STK32B: variants seen among roughly 807,000 people sequenced by gnomAD.
STK32B encodes the protein serine/threonine-protein kinase 32B.
STK32B carries 43 observed loss-of-function variants against 52.6 expected under a neutral mutation model. That is an observed-to-expected ratio of 0.82 (90% CI 0.64 to 1.05). The LOEUF is 1.05. STK32B is among the 50% of genes least tolerant of loss of function. The pLI is 0.00. For synonymous variants in STK32B, 238 were observed against 204.3 expected (o/e 1.17, Z -1.41); for missense variants, 621 against 534.6 (o/e 1.16, Z -1.59).
intron 1 of STK32B, among the ~76,000 whole-genome samples, chr4:5,057,586 A>G (rs1742055277): frequency 1.3e-5 from 2 of 152,210 alleles, no homozygotes; most frequent in Admixed American, 1.3e-4. Context: ...TTGGCTTTCC[A>G]ACAGTATGAG....
intron 3 of STK32B, among the ~76,000 whole-genome samples, chr4:5,326,049 A>G (rs1731853638): frequency 6.6e-6 from 1 of 152,278 alleles, no homozygotes; most frequent in African/African-American, 2.4e-5. Context: ...TTCTCTTAGC[A>G]TTTTGATTTT....
intron 4 of STK32B, among the ~76,000 whole-genome samples, chr4:5,363,548 A>G (rs908385887): frequency 3.3e-5 from 5 of 152,136 alleles, no homozygotes; most frequent in African/African-American, 9.7e-5. Flanking sequence ...TAAGCCTGAC[A>G]TTGCTTTTTT....
intron 3 of STK32B, among the ~76,000 whole-genome samples, chr4:5,221,841 C>G (rs894066407): frequency 9.9e-5 from 10 of 100,872 alleles, no homozygotes; most frequent in African/African-American, 4.3e-4. Flanking sequence ...GGAGACAGAG[C>G]AAGACTCTGT....
chr4:5,113,791 A>G (rs1001840003), intron 1 of STK32B, among the ~76,000 whole-genome samples: 1 of 152,218 alleles, frequency 6.6e-6, no homozygotes, highest in Admixed American at 6.5e-5. Flanking sequence ...TTTAAAAAAG[A>G]AAGAGGTTTA....
intron 3 of STK32B, among the ~76,000 whole-genome samples, chr4:5,304,151 G>A (rs1162911743): frequency 1.3e-5 from 2 of 152,014 alleles, no homozygotes; most frequent in Non-Finnish European, 2.9e-5. Flanking sequence ...GTCTTGCTAT[G>A]GCTATGCAGG....
chr4:5,283,378 G>C (rs188338740), intron 3 of STK32B, among the ~76,000 whole-genome samples: 46 of 152,190 alleles, frequency 3.0e-4, no homozygotes, highest in Admixed American at 2.8e-3. Flanking sequence ...CCATCAAGAT[G>C]TTCCTGAAAG....
intron 11 of STK32B, among the ~76,000 whole-genome samples, chr4:5,497,635 C>G (rs1720400327): frequency 2.0e-5 from 3 of 152,312 alleles, no homozygotes; most frequent in Admixed American, 2.0e-4. Flanking sequence ...AGTGTTGCTG[C>G]TGGTATTTCA....
chr4:5,020,046 T>C, the STK32B span, among the ~76,000 whole-genome samples: 4 of 152,208 alleles, frequency 2.6e-5, no homozygotes, highest in African/African-American at 9.6e-5. Context: ...GCCGTGTGTG[T>C]CTCTCGGTCC....
intron 2 of STK32B, among the ~76,000 whole-genome samples, chr4:5,143,292 G>C (rs1716647565): frequency 6.6e-6 from 1 of 152,176 alleles, no homozygotes; most frequent in South Asian, 2.1e-4. Context: ...GAGTTCACAT[G>C]TACAGCAAAC....
chr4:5,110,972 G>GAA (rs112996629), intron 1 of STK32B, among the ~76,000 whole-genome samples: 4 of 145,036 alleles, frequency 2.8e-5, no homozygotes, highest in African/African-American at 1.0e-4. Flanking sequence ...ATACATTTTT[G>GAA]AAAAAAAAAA....
At chr4:5,320,196 G>A (rs1345042937) in intron 3 of STK32B, among the ~76,000 whole-genome samples, 1 of 151,982 alleles carries the variant, frequency 6.6e-6, no homozygotes, top group East Asian at 1.9e-4. Flanking sequence ...AGAGTACAAT[G>A]AGCACCTTGA....
At chr4:5,254,965 A>AATATATATATATATATAATATATATAT (rs146017036) in intron 3 of STK32B, among the ~76,000 whole-genome samples, 2 of 144,374 alleles carry the variant, frequency 1.4e-5, no homozygotes, top group African/African-American at 5.4e-5. Context: ...ATCATTCACT[A>AATATATATATATATATAATATATATAT]ATATATATAT....
intron 3 of STK32B, among the ~76,000 whole-genome samples, chr4:5,230,660 T>A (rs1243802646): frequency 6.6e-6 from 1 of 152,226 alleles, no homozygotes; most frequent in Non-Finnish European, 1.5e-5. Flanking sequence ...AGCCACATTT[T>A]GAGTGCTGAT....
intron 11 of STK32B, among the ~76,000 whole-genome samples, chr4:5,494,404 C>CT (rs1269960391): frequency 2.6e-5 from 4 of 151,204 alleles, no homozygotes; most frequent in Non-Finnish European, 5.9e-5. Context: ...CAACCCCTGC[C>CT]TTTTTTTGTT....
chr4:5,466,104 C>A (rs1717415064), intron 9 of STK32B, among the ~76,000 whole-genome samples: 1 of 152,140 alleles, frequency 6.6e-6, no homozygotes, highest in African/African-American at 2.4e-5. Flanking sequence ...TGGGCTACAG[C>A]TGAGGAATGA....
At chr4:5,120,119 A>T (rs1714944524) in intron 1 of STK32B, among the ~76,000 whole-genome samples, 1 of 152,180 alleles carries the variant, frequency 6.6e-6, no homozygotes, top group Admixed American at 6.5e-5. Flanking sequence ...CCAGGACATG[A>T]ATCTCCCTTT....
intron 3 of STK32B, among the ~76,000 whole-genome samples, chr4:5,186,339 T>G (rs1720734603): frequency 6.6e-6 from 1 of 152,184 alleles, no homozygotes; most frequent in East Asian, 1.9e-4. Flanking sequence ...GACCATACCT[T>G]ATTCATCTCT....
chr4:5,136,428 A>G (rs1268031756), intron 1 of STK32B, among the ~76,000 whole-genome samples: 2 of 152,202 alleles, frequency 1.3e-5, no homozygotes, highest in Non-Finnish European at 2.9e-5. Context: ...TCAAGAATGT[A>G]CTTCACCTCC....
At chr4:5,329,612 C>T (rs888174681) in intron 3 of STK32B, among the ~76,000 whole-genome samples, 1 of 152,168 alleles carries the variant, frequency 6.6e-6, no homozygotes, top group Non-Finnish European at 1.5e-5. Flanking sequence ...CAGCCCAGCC[C>T]CTCCCAGGGC....
Sources: gnomAD v4.1 joint callset for allele counts (sites outside exome capture counted in the v4.1 genomes callset) on GRCh38, gnomAD v4.1.1 for gene constraint, MANE v1.5 for transcripts, NCBI Gene and HGNC (gene_info 2026-07-23, HGNC 2026-07-21) for gene names.